Variants in IL4R observed in about 807,000 individuals in gnomAD.
IL4R encodes interleukin-4 receptor subunit alpha.
A neutral mutation model predicts 41.5 loss-of-function variants in IL4R; 17 were observed. The observed-to-expected ratio is 0.41, with a 90% CI of 0.28 to 0.61. IL4R has a LOEUF of 0.61. Among genes scored for constraint, IL4R ranks in the 20% least tolerant of loss-of-function variants. The pLI is 0.31. For synonymous variants in IL4R, 402 were observed against 422.9 expected (o/e 0.95, Z 0.61); for missense variants, 974 against 1,043.1 (o/e 0.93, Z 0.91).
intron 5 of IL4R, 123 bp from the exon 6 acceptor site, chr16:27,346,344 T>C (rs1261218989): frequency 1.3e-6 from 1 of 749,836 alleles, no homozygotes; most frequent in Admixed American, 2.4e-5. Flanking sequence ...GCTCCAGAAG[T>C]ATGCTATGGA....
chr16:27,347,856 G>A (rs1193103469), intron 6 of IL4R, among the ~76,000 whole-genome samples: 1 of 152,210 alleles, frequency 6.6e-6, no homozygotes, highest in East Asian at 1.9e-4. Context: ...CCGCCCACAG[G>A]GCTATGACAG....
At chr16:27,318,487 C>T (rs572354183) in intron 1 of IL4R, 3 of 152,342 alleles carry the variant, frequency 2.0e-5, no homozygotes, top group Non-Finnish European at 2.9e-5. Flanking sequence ...TCACAGAGGA[C>T]GGAAGACTCC....
rs2234900 is a variant in IL4R at position 27,362,651 on chromosome 16, T to C, written c.1299T>C (p.Leu433=). The C allele has an allele frequency of 0.14, 228,431 of 1,613,492 alleles. 24,750 individuals are homozygous for C. The highest frequency in any genetic ancestry group is 0.59 in the African/African-American group (43,938 of 74,776). ...AGGACATGGGGGAGTCATGCCTTCT[T>C]CCACCTTCGGGAAGTACGAGTGCTC... ...CQQDMGESCL[L]PPSGSTSAHM... The change falls in exon 11 of 11, where the codon CTT becomes CTC. Residue 433 remains leucine (L), a synonymous_variant. Transcript: ENST00000395762.
intron 4 of IL4R, among the ~76,000 whole-genome samples, chr16:27,344,152 A>G (rs2085535939): frequency 6.6e-6 from 1 of 151,940 alleles, no homozygotes; most frequent in African/African-American, 2.4e-5. Flanking sequence ...TAAAAATACA[A>G]CAATTAACTG....
intron 8 of IL4R, among the ~76,000 whole-genome samples, chr16:27,358,692 G>A (rs1318342365): frequency 1.3e-5 from 2 of 152,166 alleles, no homozygotes; most frequent in African/African-American, 4.8e-5. Flanking sequence ...CCTACCAGCT[G>A]TCACTCCACC....
chr16:27,343,408 G>GTTTTT (rs138181196), intron 4 of IL4R, among the ~76,000 whole-genome samples: 41 of 143,612 alleles, frequency 2.9e-4, no homozygotes, highest in African/African-American at 4.1e-4. Context: ...CCTCCTTTAT[G>GTTTTT]TTTTTTGTTT....
chr16:27,362,939 G>A lies in IL4R; in HGVS notation c.1587G>A (p.Glu529=), dbSNP rs922249187. ...GACACCTGGAGGAAGTAGAACCCGA[G>A]ATGCCCTGTGTCCCCCAGCTCTCTG... The part of the protein sequence containing the change: ...LARHLEEVEP[E]MPCVPQLSEP... The change falls in exon 11 of 11, where the codon GAG becomes GAA. Residue 529 remains glutamate, a synonymous_variant. Coordinates refer to ENST00000395762, the MANE Select transcript of IL4R (RefSeq NM_000418.4). 2 of 1,614,160 alleles carry A rather than the reference G, an allele frequency of 1.2e-6. No individual in the cohort carries two copies. Among genetic ancestry groups the A allele is most frequent in the Admixed American group, 1.7e-5 (1 of 60,036 alleles).
chr16:27,323,747 G>A (rs1416808219), intron 1 of IL4R, among the ~76,000 whole-genome samples: 3 of 151,808 alleles, frequency 2.0e-5, no homozygotes, highest in East Asian at 1.9e-4. Context: ...CTGCGACCTC[G>A]TGGGCTCAAG....
rs199733059 is a variant in IL4R at position 27,363,397 on chromosome 16, C to T, written c.2045C>T (p.Pro682Leu). 53 of 1,614,090 alleles carry T rather than the reference C, an allele frequency of 3.3e-5. No homozygotes were observed. In the African/African-American group the frequency reaches 4.1e-4, roughly 13 times the overall value. The change falls in exon 11 of 11, where the codon CCG becomes CTG. Residue 682 changes from proline (P) to leucine (L), a missense_variant. Pro to Leu is a moderately conservative substitution (Grantham distance 98, BLOSUM62 -3). Around this residue, in one of 3 missense-constraint regions of IL4R, gnomAD observed 682 missense variants for 704.3 expected, o/e 0.97. Coordinates refer to ENST00000395762, the MANE Select transcript of IL4R (RefSeq NM_000418.4). ...SSSPEHLGLE[P>L]GEKVEDMPKP... Reference sequence around the variant, plus strand: ...TCCCCAGAGCACCTGGGTCTGGAGCCGGGGGAAAAGGTAGAGGACATGCCA... The same window carrying T: ...TCCCCAGAGCACCTGGGTCTGGAGCTGGGGGAAAAGGTAGAGGACATGCCA...
At chr16:27,361,605 C>T (rs1470182543) in intron 10 of IL4R, among the ~76,000 whole-genome samples, 4 of 144,754 alleles carry the variant, frequency 2.8e-5, no homozygotes, top group Non-Finnish European at 5.9e-5. Context: ...CCTAGGATCC[C>T]GCATCTTTTT....
intron 1 of IL4R, among the ~76,000 whole-genome samples, chr16:27,327,027 A>G (rs923816356): frequency 2.0e-5 from 3 of 152,128 alleles, no homozygotes; most frequent in African/African-American, 7.2e-5. Flanking sequence ...AGCCAGAGGA[A>G]GCTCTGGGCT....
intron 2 of IL4R, among the ~76,000 whole-genome samples, 188 bp downstream of exon 2, chr16:27,330,386 C>CA (rs71137792): frequency 0.5 from 62,067 of 123,584 alleles, 14,438 homozygotes; most frequent in African/African-American, 0.56. Context: ...GACTCCATCT[C>CA]AAAAAAAAAA....
intron 2 of IL4R, among the ~76,000 whole-genome samples, chr16:27,333,700 G>A (rs2085174750): frequency 6.6e-6 from 1 of 152,050 alleles, no homozygotes; most frequent in South Asian, 2.1e-4. Flanking sequence ...ACATAAGGAG[G>A]CTGTTTCCAA....
chr16:27,334,864 A>G (rs1260782718), intron 2 of IL4R, among the ~76,000 whole-genome samples: 2 of 152,116 alleles, frequency 1.3e-5, no homozygotes, highest in African/African-American at 4.8e-5. Flanking sequence ...GCCCCACATC[A>G]TGTCCAAAAT....
intron 1 of IL4R, among the ~76,000 whole-genome samples, chr16:27,316,397 GAA>G (rs1445538154): frequency 6.6e-6 from 1 of 152,018 alleles, no homozygotes; most frequent in Non-Finnish European, 1.5e-5. Flanking sequence ...AAATACATGA[GAA>G]GAGAGAACCT....
Position 27,364,208 on chromosome 16 carries a change from G to A in IL4R, c.*378G>A, listed in dbSNP as rs1397712905. ...TGCCCAAGGCATGTTTTGCCCACCAGATCATGGCCCACGTGGAGGCCCACC... is the reference window on the plus strand; with the variant it reads ...TGCCCAAGGCATGTTTTGCCCACCAAATCATGGCCCACGTGGAGGCCCACC... On this transcript the variant is annotated 3_prime_UTR_variant, in exon 11 of 11. Coordinates refer to ENST00000395762, the MANE Select transcript of IL4R (RefSeq NM_000418.4). 2 of 191,502 alleles carry A rather than the reference G, an allele frequency of 1.0e-5. No individual in the cohort carries two copies. The highest frequency in any genetic ancestry group is 2.1e-5 in the Non-Finnish European group (2 of 94,262). 11.9% of individuals were successfully genotyped at this position (191,502 alleles called of 1,614,324 possible). A position where few individuals can be genotyped will look rare whatever the true frequency, so the allele number is the denominator to read the frequency against.
intron 1 of IL4R, among the ~76,000 whole-genome samples, 151 bp from the exon 2 acceptor site, chr16:27,329,915 T>C (rs1400803126): frequency 6.6e-6 from 1 of 151,708 alleles, no homozygotes; most frequent in African/African-American, 2.4e-5. Context: ...GTGCAAATGC[T>C]TGGAAAAGGG....
At chr16:27,325,228 A>G (rs567389536) in intron 1 of IL4R, among the ~76,000 whole-genome samples, 3 of 151,664 alleles carry the variant, frequency 2.0e-5, no homozygotes, top group South Asian at 2.1e-4. Context: ...CTGCCTGCCT[A>G]TTCGCTGGGT....
intron 1 of IL4R, among the ~76,000 whole-genome samples, chr16:27,326,342 A>G (rs541544511): frequency 6.6e-6 from 1 of 152,320 alleles, no homozygotes; most frequent in Admixed American, 6.5e-5. Context: ...ACCCACAGCA[A>G]GAATAAATGA....
Sources: gnomAD v4.1 joint callset for allele counts (sites outside exome capture counted in the v4.1 genomes callset) on GRCh38, gnomAD v4.1.1 for gene constraint, gnomAD v4.1.1 regional missense constraint, MANE v1.5 for transcripts, NCBI Gene and HGNC (gene_info 2026-07-23, HGNC 2026-07-21) for gene names.